Variants in ENTPD7 observed in about 807,000 individuals in gnomAD.
ENTPD7 encodes the protein NTPDase 7.
ENTPD7 carries 53 observed loss-of-function variants against 77.9 expected under a neutral mutation model. That is an observed-to-expected ratio of 0.68 (90% confidence interval 0.55 to 0.85). The LOEUF is 0.85. Ranked by LOEUF, ENTPD7 falls within the 40% of genes least tolerant of loss-of-function variation. The pLI, the probability that ENTPD7 is intolerant of heterozygous loss-of-function variation, is 0.00. For synonymous variants in ENTPD7, 248 were observed against 274.9 expected (o/e 0.90, Z 0.97); for missense variants, 636 against 743.7 (o/e 0.86, Z 1.68).
Position 99,700,995 on chromosome 10 carries a change from C to G in ENTPD7, c.1358C>G (p.Ser453Trp), listed in dbSNP as rs182321152. The G allele has an allele frequency of 2.5e-6, 4 of 1,613,892 alleles. No homozygotes were observed. The African/African-American group carries it at 5.3e-5, about 22-fold the overall frequency. The stretch of plus-strand genomic sequence containing the variant: ...CAGGATTACTGTGGCATGGCTTGGT[C>G]GGTACTAACTCAGAGATTCAAGAAT... ...AAQDYCGMAW[S>W]VLTQRFKNGL... is the part of the protein sequence containing the mutation. Residue 453 changes from serine (S) to tryptophan (W), a missense_variant, in exon 11 of 13, where the codon TCG becomes TGG. Around this residue, in one of 3 missense-constraint regions of ENTPD7, gnomAD observed 486 missense variants for 556.5 expected, o/e 0.87. Transcript: ENST00000370489.
At chr10:99,692,292 C>G (rs2035894979) in intron 8 of ENTPD7, among the ~76,000 whole-genome samples, 1 of 152,166 alleles carries the variant, frequency 6.6e-6, no homozygotes, top group South Asian at 2.1e-4. Context: ...TATCTCTTGC[C>G]TATACCAGAT....
Position 99,661,499 on chromosome 10 carries a change from T to C in ENTPD7, c.62T>C (p.Val21Ala), listed in dbSNP as rs1314828676. Residue 21 changes from valine to alanine, a missense_variant, in exon 3 of 13, where the codon GTG becomes GCG. Around this residue, in one of 3 missense-constraint regions of ENTPD7, gnomAD observed 486 missense variants for 556.5 expected, o/e 0.87. Transcript: ENST00000370489. The stretch of plus-strand genomic sequence containing the variant: ...TCCTGGTACTTCACTGTGCCCACAG[T>C]GAGTCCATTTCTCCGTCAGCGGGTG... The part of the protein sequence containing the change: ...PASWYFTVPT[V>A]SPFLRQRVAF... 1 of 1,613,986 alleles carries C rather than the reference T, an allele frequency of 6.2e-7. No individual in the cohort carries two copies. Among genetic ancestry groups the C allele is most frequent in the Admixed American group, 1.7e-5 (1 of 59,992 alleles).
intron 3 of ENTPD7, among the ~76,000 whole-genome samples, chr10:99,677,213 A>T (rs1159154405): frequency 1.3e-5 from 2 of 152,086 alleles, no homozygotes; most frequent in Non-Finnish European, 2.9e-5. Flanking sequence ...TCTATTTGTA[A>T]TGCTGAATCT....
rs1374425876 is a variant in ENTPD7 at position 99,691,330 on chromosome 10, G to T, written c.710-55G>T. The T allele has an allele frequency of 1.7e-5, 27 of 1,573,610 alleles. No homozygotes were observed. In the East Asian group the frequency reaches 5.4e-4, roughly 32 times the overall value. ...CAAGGGATTGCTGTTTTGGGGGTTT[G>T]ACTTAATTTTATTTTTTAATTACTA... On this transcript the variant is annotated intron_variant, in intron 7 of 12. Transcript: ENST00000370489.
Position 99,685,885 on chromosome 10 carries a change from G to A in ENTPD7, c.642G>A (p.Gly214=). Residue 214 remains glycine, a synonymous_variant, in exon 6 of 13, where the codon GGG becomes GGA. Transcript: ENST00000370489. ...FSQSQAEVIS[G]KQEGVYAWIG... is the part of the protein sequence containing the mutation. Reference sequence around the variant, plus strand: ...AGTCTCAAGCAGAAGTGATCTCTGGGAAGCAGGAAGGTACTGGGCCTTAAG... The same window carrying A: ...AGTCTCAAGCAGAAGTGATCTCTGGAAAGCAGGAAGGTACTGGGCCTTAAG... 1 of 1,613,324 alleles carries A rather than the reference G, an allele frequency of 6.2e-7. No individual in the cohort carries two copies. Among genetic ancestry groups the A allele is most frequent in the Non-Finnish European group, 8.5e-7 (1 of 1,179,494 alleles).
intron 10 of ENTPD7, among the ~76,000 whole-genome samples, chr10:99,699,487 T>C (rs1038067643): frequency 6.6e-6 from 1 of 152,256 alleles, no homozygotes; most frequent in Non-Finnish European, 1.5e-5. Context: ...CATTTTCTGC[T>C]TTATTTAGGG....
At chr10:99,686,337 T>C (rs1168082126) in intron 6 of ENTPD7, among the ~76,000 whole-genome samples, 1 of 152,178 alleles carries the variant, frequency 6.6e-6, no homozygotes, top group Non-Finnish European at 1.5e-5. Flanking sequence ...TCATTGCAAT[T>C]ACTATGCAGT....
At chr10:99,698,190 AC>A (rs1335427956) in intron 9 of ENTPD7, among the ~76,000 whole-genome samples, 2 of 152,070 alleles carry the variant, frequency 1.3e-5, no homozygotes, top group African/African-American at 4.8e-5. Context: ...AAACATTAGA[AC>A]CACACTCCGC....
chr10:99,665,712 G>A (rs961942960), intron 3 of ENTPD7, among the ~76,000 whole-genome samples: 26 of 149,424 alleles, frequency 1.7e-4, no homozygotes, highest in African/African-American at 5.7e-4. Flanking sequence ...CTTTTTAAAC[G>A]TTACTGAAAT....
intron 3 of ENTPD7, among the ~76,000 whole-genome samples, chr10:99,670,289 G>A (rs2133446577): frequency 6.6e-6 from 1 of 152,228 alleles, no homozygotes; most frequent in East Asian, 1.9e-4. Context: ...ACTTGGACTG[G>A]GCACATTTCA....
rs75708760 is a variant in ENTPD7, at chr10:99,687,829, T to A, written c.653-865T>A. On this transcript the variant is annotated intron_variant, in intron 6 of 12. Transcript: ENST00000370489. ...CCCTTTCATGATCCTCCTGTCAGAA[T>A]ACCAGGGCTTTAATTTGCCCACTCT... Among the ~76,000 whole-genome samples the A allele has an allele frequency of 1.1e-4, 17 of 152,274 alleles. No individual in the cohort carries two copies. In the East Asian group the frequency reaches 3.3e-3, roughly 29 times the overall value.
At chr10:99,685,572 T>A (rs774519719) in intron 5 of ENTPD7, among the ~76,000 whole-genome samples, 1 of 152,132 alleles carries the variant, frequency 6.6e-6, no homozygotes, top group South Asian at 2.1e-4. Flanking sequence ...AAGGGGAAAG[T>A]ATTACTATTA....
rs1211795575 is a variant in ENTPD7 at position 99,709,494 on chromosome 10, C to T, written c.*4811C>T. On this transcript the variant is annotated 3_prime_UTR_variant, in exon 13 of 13. Coordinates refer to ENST00000370489, the MANE Select transcript of ENTPD7 (RefSeq NM_020354.5). Reference sequence around the variant, plus strand: ...AAATATTGCTGTTAAAAAACTAAGACTCAAAACCAAAAGTTGTGATTAATA... The same window carrying T: ...AAATATTGCTGTTAAAAAACTAAGATTCAAAACCAAAAGTTGTGATTAATA... 20 of 984,986 alleles carry T rather than the reference C, an allele frequency of 2.0e-5. No homozygotes were observed. The highest frequency in any genetic ancestry group is 2.3e-5 in the Non-Finnish European group (19 of 829,654). 61.0% of individuals were successfully genotyped at this position (984,986 alleles called of 1,614,324 possible). A position where few individuals can be genotyped will look rare whatever the true frequency, so the allele number is the denominator to read the frequency against.
intron 5 of ENTPD7, among the ~76,000 whole-genome samples, chr10:99,683,427 A>G (rs1485130394): frequency 6.6e-6 from 1 of 152,212 alleles, no homozygotes; most frequent in Non-Finnish European, 1.5e-5. Context: ...GTTAAAAAAA[A>G]TCCCTTAAAA....
In ENTPD7 at chr10:99,685,901, G is replaced by C; in HGVS notation, c.652+6G>C. ...GATCTCTGGGAAGCAGGAAGGTACT[G>C]GGCCTTAAGGGGTGCAGCTGGTTAA... On this transcript the variant is annotated splice_donor_region_variant and intron_variant, in intron 6 of 12. Transcript: ENST00000370489. 6.3e-7 allele frequency: 1 copy of C among 1,598,786 alleles called. No homozygotes were observed. Among genetic ancestry groups the C allele is most frequent in the Non-Finnish European group, 8.6e-7 (1 of 1,167,164 alleles).
At chr10:99,677,210 G>A (rs906780831) in intron 3 of ENTPD7, among the ~76,000 whole-genome samples, 1 of 151,944 alleles carries the variant, frequency 6.6e-6, no homozygotes, top group Non-Finnish European at 1.5e-5. Flanking sequence ...TTTTCTATTT[G>A]TAATGCTGAA....
chr10:99,660,979 G>C (rs2035477936), intron 2 of ENTPD7, among the ~76,000 whole-genome samples: 1 of 152,022 alleles, frequency 6.6e-6, no homozygotes, highest in South Asian at 2.1e-4. Flanking sequence ...GAGAGATTGT[G>C]GGGTCAGGGC....
In ENTPD7 at chr10:99,701,074, T is replaced by C. The variant is rs2036112740; in HGVS notation, c.1421+16T>C. 1.2e-6 allele frequency: 2 copies of C among 1,603,320 alleles called. No homozygotes were observed. Among genetic ancestry groups the C allele is most frequent in the African/African-American group, 1.3e-5 (1 of 74,842 alleles). Reference sequence around the variant, plus strand: ...ATCGACTCAAGTAAGTTACTTCCCTTTCCTCCTTAGATGTGGACTTAAAAT... The same window carrying C: ...ATCGACTCAAGTAAGTTACTTCCCTCTCCTCCTTAGATGTGGACTTAAAAT... On this transcript the variant is annotated intron_variant, in intron 11 of 12. Transcript: ENST00000370489.
chr10:99,659,569 C>A lies in ENTPD7; in HGVS notation c.-115C>A, dbSNP rs112044515. 2,237 of 173,912 alleles carry A rather than the reference C, an allele frequency of 0.013. 62 individuals carry two copies. Among genetic ancestry groups the A allele is most frequent in the African/African-American group, 0.049 (2,088 of 42,206 alleles). 10.8% of individuals were successfully genotyped at this position (173,912 alleles called of 1,614,324 possible). A position where few individuals can be genotyped will look rare whatever the true frequency, so the allele number is the denominator to read the frequency against. ...ACTGAACCGAGAGGTGCCGAAGGAACCGGCGGGCCGCTTGATCCCGTGAGT... is the reference window on the plus strand; with the variant it reads ...ACTGAACCGAGAGGTGCCGAAGGAAACGGCGGGCCGCTTGATCCCGTGAGT... On this transcript the variant is annotated 5_prime_UTR_variant, in exon 1 of 13. Coordinates refer to ENST00000370489, the MANE Select transcript of ENTPD7 (RefSeq NM_020354.5). This position sits in a 1 kb window ranked among gnomAD's most constrained non-coding sequence, Gnocchi z 4.1.
Sources: allele counts gnomAD v4.1 joint callset (sites outside exome capture counted in the v4.1 genomes callset), GRCh38; gene constraint gnomAD v4.1.1; regional missense constraint gnomAD v4.1.1; non-coding constraint Gnocchi (gnomAD v3.1); transcripts MANE v1.5; gene names NCBI Gene and HGNC (gene_info 2026-07-23, HGNC 2026-07-21).